WWOX: variants seen among roughly 807,000 people sequenced by gnomAD.
WWOX encodes WW domain-containing oxidoreductase.
A neutral mutation model predicts 46.2 loss-of-function variants in WWOX; 69 were observed. The observed-to-expected ratio is 1.49, with a 90% CI of 1.23 to 1.82. The LOEUF is 1.82. Ranked by LOEUF, WWOX falls within the 40% of genes most tolerant of loss-of-function variation. The pLI is 0.00. For synonymous variants in WWOX, 359 were observed against 202.6 expected (o/e 1.77, Z -6.56); for missense variants, 919 against 542.6 (o/e 1.69, Z -6.89).
At chr16:78,250,116 C>T (rs2037944190) in intron 5 of WWOX, among the ~76,000 whole-genome samples, 1 of 152,174 alleles carries the variant, frequency 6.6e-6, no homozygotes, top group African/African-American at 2.4e-5. Flanking sequence ...CTGACTGGCC[C>T]TCTCCAAGAT....
chr16:78,774,967 T>G (rs958524649), intron 8 of WWOX, among the ~76,000 whole-genome samples: 1 of 152,098 alleles, frequency 6.6e-6, no homozygotes. Context: ...TTGTGGTGTA[T>G]GCTCGAAGAG....
intron 8 of WWOX, among the ~76,000 whole-genome samples, chr16:78,470,392 C>T (rs1163095983): frequency 1.3e-5 from 2 of 152,158 alleles, no homozygotes; most frequent in Admixed American, 6.5e-5. Context: ...TTTACCTTTT[C>T]CCCCTCAAGA....
rs180942928 is a variant in WWOX at position 78,685,708 on chromosome 16, C to G, written c.1056+252956C>G. On this transcript the variant is annotated intron_variant, in intron 8 of 8. Coordinates refer to ENST00000566780, the MANE Select transcript of WWOX (RefSeq NM_016373.4). Reference sequence around the variant, plus strand: ...TTAGCACAGAACTCCTGTCCTCCCTCTTTGAAATTATTCCGACAGTTGCCC... The same window carrying G: ...TTAGCACAGAACTCCTGTCCTCCCTGTTTGAAATTATTCCGACAGTTGCCC... Among the ~76,000 whole-genome samples, 3 of 152,322 alleles carry G rather than the reference C, an allele frequency of 2.0e-5. No individual in the cohort carries two copies. The East Asian group carries it at 5.8e-4, about 29-fold the overall frequency.
intron 8 of WWOX, among the ~76,000 whole-genome samples, chr16:78,812,553 C>G (rs961829752): frequency 1.3e-5 from 2 of 151,708 alleles, no homozygotes; most frequent in Non-Finnish European, 2.9e-5. Context: ...GAAACTCCTT[C>G]TCTACTAAAA....
At chr16:78,967,209 C>G (rs181340413) in intron 8 of WWOX, among the ~76,000 whole-genome samples, 1 of 148,316 alleles carries the variant, frequency 6.7e-6, no homozygotes, top group Non-Finnish European at 1.5e-5. Flanking sequence ...GAGGAAAATG[C>G]GTGATTCAAA....
At chr16:78,109,707 TTCC>T in intron 2 of WWOX, 68 bp from the exon 3 acceptor site, 7 of 1,560,614 alleles carry the variant, frequency 4.5e-6, no homozygotes, top group Admixed American at 1.7e-5. Flanking sequence ...GGAGGGCTCC[TTCC>T]CTTCCTGACC....
chr16:79,063,126 A>G (rs1597338932), intron 8 of WWOX, among the ~76,000 whole-genome samples: 1 of 152,196 alleles, frequency 6.6e-6, no homozygotes, highest in African/African-American at 2.4e-5. Context: ...CTTTTGAGCT[A>G]TTTCCCCACT....
intron 8 of WWOX, among the ~76,000 whole-genome samples, chr16:78,597,387 C>A (rs896013347): frequency 1.3e-5 from 2 of 152,182 alleles, no homozygotes; most frequent in Non-Finnish European, 2.9e-5. Flanking sequence ...TGGCTCTTTA[C>A]CCATTGCCAT....
intron 5 of WWOX, among the ~76,000 whole-genome samples, chr16:78,210,583 A>G (rs187202372): frequency 5.5e-4 from 83 of 152,226 alleles, no homozygotes; most frequent in Non-Finnish European, 1.0e-3. Flanking sequence ...TTTTCTCACC[A>G]GAGGGCTAAT....
At chr16:78,825,606 G>C (rs1597677117) in intron 8 of WWOX, 1 of 529,880 alleles carries the variant, frequency 1.9e-6, no homozygotes, top group Non-Finnish European at 3.8e-6. Context: ...CAAACTCCTA[G>C]GAGGGCTTAC....
intron 8 of WWOX, among the ~76,000 whole-genome samples, chr16:78,944,081 T>A (rs1407415417): frequency 6.6e-6 from 1 of 152,206 alleles, no homozygotes; most frequent in Non-Finnish European, 1.5e-5. Context: ...GAATTCCTCC[T>A]GGGTTTTGTT....
At chr16:78,126,327 A>C (rs1410806592) in intron 4 of WWOX, among the ~76,000 whole-genome samples, 2 of 152,174 alleles carry the variant, frequency 1.3e-5, no homozygotes, top group Non-Finnish European at 2.9e-5. Flanking sequence ...TGTTTTGTCA[A>C]ACTGCCCTGG....
intron 8 of WWOX, among the ~76,000 whole-genome samples, chr16:78,992,919 C>T (rs905977103): frequency 1.4e-5 from 2 of 147,742 alleles, no homozygotes; most frequent in Admixed American, 6.9e-5. Flanking sequence ...AATATATCTA[C>T]GTATAATTTT....
At chr16:79,017,810 G>A (rs930974366) in intron 8 of WWOX, among the ~76,000 whole-genome samples, 1 of 151,988 alleles carries the variant, frequency 6.6e-6, no homozygotes. Context: ...ACAAATTACA[G>A]ATTATCCAGA....
At chr16:78,455,188 G>C (rs1439758502) in intron 8 of WWOX, among the ~76,000 whole-genome samples, 2 of 152,206 alleles carry the variant, frequency 1.3e-5, no homozygotes, top group Non-Finnish European at 2.9e-5. Context: ...TCTTTACTGA[G>C]ACTTGAATGA....
intron 4 of WWOX, among the ~76,000 whole-genome samples, chr16:78,128,444 G>A (rs2033450802): frequency 6.6e-6 from 1 of 152,196 alleles, no homozygotes. Flanking sequence ...TTGCAGTTGT[G>A]TTGAGATTAC....
At chr16:78,930,665 C>T (rs1274534280) in intron 8 of WWOX, among the ~76,000 whole-genome samples, 4 of 150,712 alleles carry the variant, frequency 2.7e-5, no homozygotes, top group Non-Finnish European at 4.4e-5. Context: ...CTGTTAATTG[C>T]AGTTAATCCT....
At chr16:79,169,516 C>T (rs1294005009) in intron 8 of WWOX, among the ~76,000 whole-genome samples, 1 of 152,208 alleles carries the variant, frequency 6.6e-6, no homozygotes, top group Non-Finnish European at 1.5e-5. Flanking sequence ...TTTCAGCCAC[C>T]TCCTGGCTGT....
intron 8 of WWOX, among the ~76,000 whole-genome samples, chr16:78,474,493 C>T (rs2084309851): frequency 1.3e-5 from 2 of 152,168 alleles, no homozygotes; most frequent in Non-Finnish European, 2.9e-5. Flanking sequence ...TCGTGGTTCC[C>T]TTTTAGATTT....
Sources: allele counts gnomAD v4.1 joint callset (sites outside exome capture counted in the v4.1 genomes callset), GRCh38; gene constraint gnomAD v4.1.1; transcripts MANE v1.5; gene names NCBI Gene and HGNC (gene_info 2026-07-23, HGNC 2026-07-21).